Variants in ECSCR observed in about 807,000 individuals in gnomAD.
The protein encoded by ECSCR is endothelial cell-specific chemotaxis regulator.
Under a neutral mutation model 16.7 loss-of-function variants are expected in ECSCR, and 12 were observed. The observed-to-expected ratio is 0.72, with a 90% CI of 0.46 to 1.17. The LOEUF (loss-of-function observed/expected upper bound fraction) is 1.17. Among genes scored for constraint, ECSCR ranks in the 50% most tolerant of loss-of-function variants. The pLI is 0.00. For synonymous variants in ECSCR, 44 were observed against 42.2 expected (o/e 1.04, Z -0.17); for missense variants, 122 against 116.1 (o/e 1.05, Z -0.23).
chr5:139,459,026 C>T lies in ECSCR; in HGVS notation c.62-843G>A, dbSNP rs374500705. Among the ~76,000 whole-genome samples, 6 of 152,200 alleles carry T rather than the reference C, an allele frequency of 3.9e-5. No individual in the cohort carries two copies. The East Asian group carries it at 5.8e-4, about 15-fold the overall frequency. On this transcript the variant is annotated intron_variant, in intron 1 of 9. Transcript: ENST00000618155. ...ACCACCACCTCATGGCTCAGAGTCC[C>T]GAAGTCCTTCCCTGTCTCTTCAATC...
chr5:139,451,178 G>GGTGTAATGCAT (rs1554071169), intron 8 of ECSCR, among the ~76,000 whole-genome samples: 8 of 150,316 alleles, frequency 5.3e-5, no homozygotes, highest in African/African-American at 2.0e-4. Context: ...ATGCATGTGT[G>GGTGTAATGCAT]GTGTGTGTGT....
chr5:139,462,475 C>CATGGAAA (rs1751328478), intron 1 of ECSCR, 135 bp downstream of exon 1: 1 of 888,132 alleles, frequency 1.1e-6, no homozygotes, highest in African/African-American at 1.7e-5. Context: ...AACTGATCTT[C>CATGGAAA]ATGGAAAGGC....
At chr5:139,454,534 G>A (rs1751115595) in intron 8 of ECSCR, 68 bp downstream of exon 8, 1 of 397,952 alleles carries the variant, frequency 2.5e-6, no homozygotes, top group African/African-American at 2.1e-5. Flanking sequence ...GTGGAAGGCA[G>A]GAAGTGTTGG....
At position 139,448,861 on chromosome 5, in the gene ECSCR, C is replaced by T; in HGVS notation, c.*39G>A. On this transcript the variant is annotated 3_prime_UTR_variant, in exon 10 of 10. Transcript: ENST00000618155. ...CTTCCTCCTTGTAGTCACAGGGCAG[C>T]TGCATCATCCTTGGACTCATGGGGA... 1 of 1,536,894 alleles carries T rather than the reference C, an allele frequency of 6.5e-7. No homozygotes were observed. The highest frequency in any genetic ancestry group is 8.7e-7 in the Non-Finnish European group (1 of 1,146,808).
chr5:139,449,840 G>C (rs912192699), intron 8 of ECSCR, among the ~76,000 whole-genome samples: 1 of 151,664 alleles, frequency 6.6e-6, no homozygotes, highest in Non-Finnish European at 1.5e-5. Context: ...ACCTGCCTCA[G>C]CGTCCCAAAG....
intron 1 of ECSCR, among the ~76,000 whole-genome samples, chr5:139,462,026 G>T (rs921045965): frequency 2.0e-5 from 3 of 152,170 alleles, no homozygotes; most frequent in African/African-American, 4.8e-5. Context: ...CTCCTCTGGA[G>T]GTCATCTACT....
chr5:139,448,985 A>G, intron 9 of ECSCR, 77 bp from the exon 10 acceptor site: 1 of 1,534,416 alleles, frequency 6.5e-7, no homozygotes, highest in Non-Finnish European at 8.7e-7. Flanking sequence ...GAAAAGCCAG[A>G]GTCTTTGAAA....
chr5:139,458,500 C>CAAAAAAAAAAAAAAAAAAAAAAAAAA (rs397882364), intron 1 of ECSCR, among the ~76,000 whole-genome samples: 11 of 85,356 alleles, frequency 1.3e-4, no homozygotes, highest in African/African-American at 5.8e-4. Context: ...CCTATCTCAA[C>CAAAAAAAAAAAAAAAAAAAAAAAAAA]AAAAAAAAAA....
intron 6 of ECSCR, 142 bp downstream of exon 6, chr5:139,455,181 C>A: frequency 4.1e-6 from 1 of 245,144 alleles, no homozygotes; most frequent in East Asian, 4.4e-5. Flanking sequence ...GCAGGGGCCC[C>A]CCTCCACAAG....
chr5:139,457,816 G>T lies in ECSCR; in HGVS notation c.107-9C>A. ...TAGACCGCCAAGGCCTCCTGAAACA[G>T]AACATCTGAGGCTGAGGGGTGCACC... On this transcript the variant is annotated splice_polypyrimidine_tract_variant and intron_variant, in intron 2 of 9. Transcript: ENST00000618155. The T allele has an allele frequency of 6.2e-7, 1 of 1,603,776 alleles. No individual in the cohort carries two copies. Among genetic ancestry groups the T allele is most frequent in the East Asian group, 2.3e-5 (1 of 44,432 alleles).
At chr5:139,457,068 G>A (rs927447374) in intron 4 of ECSCR, among the ~76,000 whole-genome samples, 3 of 152,194 alleles carry the variant, frequency 2.0e-5, no homozygotes, top group African/African-American at 4.8e-5. Context: ...AAGCACACTC[G>A]GGCCTGCTCA....
In ECSCR at chr5:139,449,061, G is replaced by T. The variant is rs1419273805; in HGVS notation, c.609+17C>A. 1.3e-6 allele frequency: 2 copies of T among 1,535,918 alleles called. No homozygotes were observed. Among genetic ancestry groups the T allele is most frequent in the Non-Finnish European group, 1.7e-6 (2 of 1,145,826 alleles). On this transcript the variant is annotated intron_variant, in intron 9 of 9. Coordinates refer to ENST00000618155, the MANE Select transcript of ECSCR (RefSeq NM_001077693.4). ...AGGTGAATTTGGGGAAGGAAGGCAG[G>T]AAACAGAAAAATGTACCTTCTCTGC...
At chr5:139,458,325 GTTTT>G in intron 1 of ECSCR, 142 bp from the exon 2 acceptor site, 2 of 546,754 alleles carry the variant, frequency 3.7e-6, no homozygotes, top group Non-Finnish European at 6.3e-6. Context: ...GTTTTGTTTT[GTTTT>G]TTTTTTTTTT....
chr5:139,461,373 C>T (rs1751300294), intron 1 of ECSCR, among the ~76,000 whole-genome samples: 1 of 152,130 alleles, frequency 6.6e-6, no homozygotes, highest in Non-Finnish European at 1.5e-5. Flanking sequence ...CCTGAATGTG[C>T]TCAGGATTCC....
In ECSCR at chr5:139,458,159, G is replaced by A; in HGVS notation, c.86C>T (p.Thr29Ile). The A allele has an allele frequency of 1.3e-6, 2 of 1,549,736 alleles. No individual in the cohort carries two copies. The highest frequency in any genetic ancestry group is 1.7e-6 in the Non-Finnish European group (2 of 1,146,996). The change falls in exon 2 of 10, where the codon ACC (threonine) becomes ATC (isoleucine). Residue 29 changes from threonine to isoleucine, a missense_variant. Thr to Ile is a moderately conservative substitution (Grantham distance 89, BLOSUM62 -1). Transcript: ENST00000618155. ...CTTACCCTGAGAGCTAGAGGTCTGGGTCATTGTGGGCTGGGAGTTGTGGCC... is the reference window on the plus strand; with the variant it reads ...CTTACCCTGAGAGCTAGAGGTCTGGATCATTGTGGGCTGGGAGTTGTGGCC... Reference protein sequence around the residue: ...FRGHNSQPTMTQTSSSQGGLG... With the variant: ...FRGHNSQPTMIQTSSSQGGLG...
chr5:139,458,260 C>T, intron 1 of ECSCR, 77 bp from the exon 2 acceptor site: 1 of 1,400,584 alleles, frequency 7.1e-7, no homozygotes, highest in South Asian at 1.2e-5. Context: ...CCTTAGAATG[C>T]CTTCTGGCCC....
At chr5:139,448,972 G>A (rs1050676146) in intron 9 of ECSCR, 64 bp from the exon 10 acceptor site, 1 of 1,536,134 alleles carries the variant, frequency 6.5e-7, no homozygotes. Context: ...ACAGAAGAGG[G>A]GAGAAAAGCC....
At chr5:139,459,628 T>C (rs1468403827) in intron 1 of ECSCR, among the ~76,000 whole-genome samples, 1 of 152,204 alleles carries the variant, frequency 6.6e-6, no homozygotes, top group East Asian at 1.9e-4. Flanking sequence ...CTGTGAACAA[T>C]GTGAAAGGAA....
At chr5:139,455,761 G>A (rs1751143128) in intron 5 of ECSCR, among the ~76,000 whole-genome samples, 1 of 134,068 alleles carries the variant, frequency 7.5e-6, no homozygotes, top group South Asian at 2.6e-4. Context: ...TGGATCACTT[G>A]AAGTCAGGAG....
Sources: gnomAD v4.1 joint callset for allele counts (sites outside exome capture counted in the v4.1 genomes callset) on GRCh38, gnomAD v4.1.1 for gene constraint, MANE v1.5 for transcripts, NCBI Gene and HGNC (gene_info 2026-07-23, HGNC 2026-07-21) for gene names.